Variants in SLC35F1 observed in about 807,000 individuals in gnomAD.
The protein encoded by SLC35F1 is chromosome 6 open reading frame 169.
In SLC35F1, 14 loss-of-function variants were observed where a neutral mutation model predicts 48.7. The ratio of observed to expected loss-of-function variants is 0.29; its 90% CI spans 0.19 to 0.45. SLC35F1 has a LOEUF of 0.45. SLC35F1 is among the 20% of genes least tolerant of loss of function. The pLI is 1.00. For synonymous variants in SLC35F1, 190 were observed against 202.2 expected (o/e 0.94, Z 0.51); for missense variants, 404 against 500.0 (o/e 0.81, Z 1.83).
chr6:118,124,910 C>T (rs1312125007), intron 1 of SLC35F1, among the ~76,000 whole-genome samples: 1 of 152,112 alleles, frequency 6.6e-6, no homozygotes, highest in Non-Finnish European at 1.5e-5. Context: ...TTCTTCACAA[C>T]GTGCAAAATA....
chr6:118,031,932 C>G (rs752487966), intron 1 of SLC35F1, among the ~76,000 whole-genome samples: 3 of 152,078 alleles, frequency 2.0e-5, no homozygotes, highest in Non-Finnish European at 2.9e-5. Context: ...CTGCTTCTGC[C>G]CTGTCCCTGT....
At chr6:118,192,058 T>C (rs1484572439) in intron 2 of SLC35F1, among the ~76,000 whole-genome samples, 3 of 152,300 alleles carry the variant, frequency 2.0e-5, no homozygotes, top group Admixed American at 2.0e-4. Context: ...CAAGGTGGCA[T>C]GAGTCCTTGT....
At chr6:118,299,628 T>C (rs1472375987) in intron 7 of SLC35F1, among the ~76,000 whole-genome samples, 4 of 152,198 alleles carry the variant, frequency 2.6e-5, no homozygotes, top group African/African-American at 9.7e-5. Flanking sequence ...TAAGAGATAT[T>C]TGGAGAGATG....
chr6:118,190,330 T>C (rs896984195), intron 2 of SLC35F1, among the ~76,000 whole-genome samples: 1 of 152,100 alleles, frequency 6.6e-6, no homozygotes. Flanking sequence ...CTTAAAAACT[T>C]AGTTTGATTA....
At chr6:118,238,720 A>G (rs1248637121) in intron 3 of SLC35F1, among the ~76,000 whole-genome samples, 1 of 152,114 alleles carries the variant, frequency 6.6e-6, no homozygotes, top group Non-Finnish European at 1.5e-5. Flanking sequence ...CTTGCCCACA[A>G]CCATTGAATA....
At chr6:117,985,900 A>G (rs773465048) in intron 1 of SLC35F1, among the ~76,000 whole-genome samples, 1 of 152,154 alleles carries the variant, frequency 6.6e-6, no homozygotes, top group Non-Finnish European at 1.5e-5. Flanking sequence ...GAAAATGGGG[A>G]ACTTTATTGT....
At chr6:117,999,821 C>G (rs1346067779) in intron 1 of SLC35F1, among the ~76,000 whole-genome samples, 3 of 151,836 alleles carry the variant, frequency 2.0e-5, no homozygotes, top group Non-Finnish European at 4.4e-5. Context: ...CTACAAACAC[C>G]TCTACGCAAA....
chr6:117,954,626 ATAAGT>A (rs1323172357), intron 1 of SLC35F1, among the ~76,000 whole-genome samples: 1 of 152,212 alleles, frequency 6.6e-6, no homozygotes, highest in Non-Finnish European at 1.5e-5. Context: ...TTAAAATATC[ATAAGT>A]TAAGAAGTAG....
At chr6:118,040,794 AAG>A (rs1772205471) in intron 1 of SLC35F1, among the ~76,000 whole-genome samples, 2 of 42,734 alleles carry the variant, frequency 4.7e-5, no homozygotes, top group Non-Finnish European at 1.6e-4. Flanking sequence ...ATTTTCCCAT[AAG>A]TATATGTCCT....
chr6:118,158,488 G>T (rs556200849), intron 2 of SLC35F1, among the ~76,000 whole-genome samples: 4 of 152,240 alleles, frequency 2.6e-5, no homozygotes, highest in African/African-American at 9.6e-5. Context: ...GCCACTCTGG[G>T]CCACCTATCA....
chr6:118,062,344 A>C (rs1318670372), intron 1 of SLC35F1, among the ~76,000 whole-genome samples: 1 of 152,174 alleles, frequency 6.6e-6, no homozygotes, highest in African/African-American at 2.4e-5. Flanking sequence ...CATCTATTTC[A>C]AATTATTTCT....
chr6:118,119,197 A>T (rs1389110221), intron 1 of SLC35F1, among the ~76,000 whole-genome samples: 1 of 152,116 alleles, frequency 6.6e-6, no homozygotes, highest in Non-Finnish European at 1.5e-5. Context: ...TTAAAAATTT[A>T]AAATAGGATG....
chr6:118,093,209 G>A (rs768421925), intron 1 of SLC35F1, among the ~76,000 whole-genome samples: 4 of 152,056 alleles, frequency 2.6e-5, no homozygotes, highest in South Asian at 2.1e-4. Context: ...CCAGCTACTC[G>A]GGAAGCTGAG....
At chr6:118,142,069 G>A (rs1267873695) in intron 1 of SLC35F1, among the ~76,000 whole-genome samples, 1 of 152,104 alleles carries the variant, frequency 6.6e-6, no homozygotes, top group African/African-American at 2.4e-5. Flanking sequence ...TGAATTTAAT[G>A]AGACTGCTTA....
At chr6:117,920,824 A>G (rs551319177) in intron 1 of SLC35F1, among the ~76,000 whole-genome samples, 2 of 152,264 alleles carry the variant, frequency 1.3e-5, no homozygotes, top group African/African-American at 4.8e-5. Context: ...TGGAAATATA[A>G]GTTCCCAGAT....
chr6:118,256,426 GGTTT>G (rs1775647498), intron 3 of SLC35F1, among the ~76,000 whole-genome samples: 1 of 152,130 alleles, frequency 6.6e-6, no homozygotes, highest in African/African-American at 2.4e-5. Context: ...AGTTGCCTCA[GGTTT>G]AGCCTCTGAC....
chr6:118,231,673 G>C (rs1775294638), intron 2 of SLC35F1, among the ~76,000 whole-genome samples: 1 of 152,234 alleles, frequency 6.6e-6, no homozygotes, highest in Non-Finnish European at 1.5e-5. Flanking sequence ...AACTTCAGCA[G>C]AATGGCAAGG....
chr6:118,198,110 T>C (rs1774826493), intron 2 of SLC35F1, among the ~76,000 whole-genome samples: 1 of 152,218 alleles, frequency 6.6e-6, no homozygotes, highest in East Asian at 1.9e-4. Context: ...GCAGGAAATG[T>C]TGTGATCATT....
At chr6:117,928,265 G>A (rs1776054271) in intron 1 of SLC35F1, among the ~76,000 whole-genome samples, 1 of 152,120 alleles carries the variant, frequency 6.6e-6, no homozygotes, top group South Asian at 2.1e-4. Context: ...AGAGATGGCG[G>A]GTAGACACTG....
Sources: allele counts gnomAD v4.1 joint callset (sites outside exome capture counted in the v4.1 genomes callset), GRCh38; gene constraint gnomAD v4.1.1; transcripts MANE v1.5; gene names NCBI Gene and HGNC (gene_info 2026-07-23, HGNC 2026-07-21).